The following ZNF507 variants were observed in gnomAD, a reference collection of about 807,000 sequenced individuals.
ZNF507 encodes zinc finger protein 507.
A neutral mutation model predicts 80.0 loss-of-function variants in ZNF507; 29 were observed. That is an observed-to-expected ratio of 0.36 (90% CI 0.27 to 0.49). The LOEUF (loss-of-function observed/expected upper bound fraction) is 0.49. ZNF507 is among the 20% of genes least tolerant of loss of function. The pLI, the probability that ZNF507 is intolerant of heterozygous loss-of-function variation, is 0.98. For missense variants in ZNF507, 1,081 were observed against 1,152.2 expected, an observed-to-expected ratio of 0.94 and a Z score of 0.90; for synonymous variants, 462 against 422.5, an observed-to-expected ratio of 1.09 and a Z score of -1.15.
intron 5 of ZNF507, among the ~76,000 whole-genome samples, chr19:32,374,535 G>A (rs1490561190): frequency 1.3e-5 from 2 of 148,532 alleles, no homozygotes; most frequent in East Asian, 4.0e-4. Flanking sequence ...GTGCAGTGGT[G>A]CAGTGGTGTT....
intron 5 of ZNF507, among the ~76,000 whole-genome samples, chr19:32,377,400 GC>G (rs1375140992): frequency 1.3e-5 from 2 of 152,012 alleles, no homozygotes; most frequent in African/African-American, 4.8e-5. Context: ...TCTCTATATG[GC>G]CTGGTTTTTC....
At chr19:32,374,114 TTAAC>T (rs775578727) in intron 5 of ZNF507, among the ~76,000 whole-genome samples, 5 of 151,760 alleles carry the variant, frequency 3.3e-5, no homozygotes, top group East Asian at 3.9e-4. Flanking sequence ...CTGATAATGT[TTAAC>T]TAAGCCATAG....
intron 5 of ZNF507, chr19:32,381,893 CAG>C (rs1325688164): frequency 2.6e-5 from 4 of 152,106 alleles, no homozygotes; most frequent in Admixed American, 2.6e-4. Context: ...TTGTTAAATT[CAG>C]ATTTTACCAA....
chr19:32,366,380 C>G (rs111567858), intron 5 of ZNF507, among the ~76,000 whole-genome samples: 1,959 of 152,284 alleles, frequency 0.013, 51 homozygotes, highest in African/African-American at 0.043. Flanking sequence ...CACCCCTCCC[C>G]TCTGTCTGGT....
intron 5 of ZNF507, among the ~76,000 whole-genome samples, chr19:32,361,771 CCT>C (rs1294249486): frequency 6.9e-6 from 1 of 145,464 alleles, no homozygotes; most frequent in Middle Eastern, 3.4e-3. Flanking sequence ...TCCCTCCCTC[CCT>C]CTCTCCCTCC....
intron 5 of ZNF507, among the ~76,000 whole-genome samples, chr19:32,377,887 G>T (rs1482691522): frequency 6.6e-6 from 1 of 152,126 alleles, no homozygotes; most frequent in Non-Finnish European, 1.5e-5. Context: ...TCAGGGGTGA[G>T]TTCTCCTGAG....
intron 4 of ZNF507, 108 bp downstream of exon 4, chr19:32,356,841 C>T: frequency 1.3e-6 from 1 of 796,248 alleles, no homozygotes; most frequent in Non-Finnish European, 2.2e-6. Context: ...TATTCTCCTC[C>T]ATTTTTGTAC....
chr19:32,357,411 C>T (rs1208217121), intron 4 of ZNF507: 1 of 152,344 alleles, frequency 6.6e-6, no homozygotes, highest in Non-Finnish European at 1.5e-5. Context: ...TAAATGTCTC[C>T]AGTGTGGCAC....
chr19:32,348,607 T>A (rs1009736645), intron 2 of ZNF507, among the ~76,000 whole-genome samples: 28 of 152,262 alleles, frequency 1.8e-4, no homozygotes, highest in African/African-American at 6.0e-4. Flanking sequence ...GGAATACTGT[T>A]GTCAAGGAAA....
rs1282082495 is a variant in ZNF507, at chr19:32,385,427, CTTAAG to C, written c.*2349_*2353del. 1 of 152,120 alleles carries C rather than the reference CTTAAG, an allele frequency of 6.6e-6. No homozygotes were observed. Among genetic ancestry groups the C allele is most frequent in the African/African-American group, 2.4e-5 (1 of 41,432 alleles). 9.4% of individuals were successfully genotyped at this position (152,120 alleles called of 1,614,324 possible). On this transcript the variant is annotated 3_prime_UTR_variant, in exon 7 of 7. Coordinates refer to ENST00000355898, the MANE Select transcript of ZNF507 (RefSeq NM_001136156.2). ...TTCCCATTATCATTTTGTGGCAAGCCTTAAGTTAACAATGTGTCTACCAAGAACAA... is the reference window on the plus strand; with the variant it reads ...TTCCCATTATCATTTTGTGGCAAGCCTTAACAATGTGTCTACCAAGAACAA...
chr19:32,370,336 G>A (rs978259983), intron 5 of ZNF507, among the ~76,000 whole-genome samples: 2 of 152,082 alleles, frequency 1.3e-5, no homozygotes, highest in African/African-American at 2.4e-5. Flanking sequence ...TTTCATGGCC[G>A]TACCAATCTA....
At chr19:32,364,647 A>G (rs1222620264) in intron 5 of ZNF507, among the ~76,000 whole-genome samples, 1 of 152,214 alleles carries the variant, frequency 6.6e-6, no homozygotes, top group Non-Finnish European at 1.5e-5. Context: ...CATCCAGGTC[A>G]CTGCAAATGC....
At chr19:32,361,822 T>C (rs1478839437) in intron 5 of ZNF507, among the ~76,000 whole-genome samples, 3 of 141,566 alleles carry the variant, frequency 2.1e-5, no homozygotes, top group African/African-American at 5.2e-5. Context: ...CCTTCCTTCC[T>C]TTCCTTTCTT....
Position 32,382,501 on chromosome 19 carries a change from CCTT to C in ZNF507, c.2399_2401del (p.Ser800del). 1.2e-6 allele frequency: 2 copies of C among 1,614,156 alleles called. No individual in the cohort carries two copies. Among genetic ancestry groups the C allele is most frequent in the East Asian group, 2.2e-5 (1 of 44,886 alleles). On this transcript the variant is annotated inframe_deletion, in exon 6 of 7. Coordinates refer to ENST00000355898, the MANE Select transcript of ZNF507 (RefSeq NM_001136156.2). ...GTGTGGGTATGTGTGTAGCCATCCT[CCTT>C]CTTTGAAGTCTCATATGTGGAAACA...
rs1967657027 is a variant in ZNF507 at position 32,383,995 on chromosome 19, G to T, written c.*912G>T. ...ATGAAAATTTACATTTGATCATCCG[G>T]CATTGGAAATAGTTTGAACTATTTC... is the stretch of plus-strand genomic sequence containing the variant. On this transcript the variant is annotated 3_prime_UTR_variant, in exon 7 of 7. Transcript: ENST00000355898. 6.6e-6 allele frequency: 1 copy of T among 152,192 alleles called. No individual in the cohort carries two copies. Among genetic ancestry groups the T allele is most frequent in the Non-Finnish European group, 1.5e-5 (1 of 68,046 alleles). 9.4% of individuals were successfully genotyped at this position (152,192 alleles called of 1,614,324 possible).
At position 32,387,072 on chromosome 19, in the gene ZNF507, T is replaced by C. The variant is rs1967699108; in HGVS notation, c.*3989T>C. 1 of 152,300 alleles carries C rather than the reference T, an allele frequency of 6.6e-6. No individual in the cohort carries two copies. The highest frequency in any genetic ancestry group is 6.5e-5 in the Admixed American group (1 of 15,290). 9.4% of individuals were successfully genotyped at this position (152,300 alleles called of 1,614,324 possible). A position where few individuals can be genotyped will look rare whatever the true frequency, so the allele number is the denominator to read the frequency against. On this transcript the variant is annotated 3_prime_UTR_variant, in exon 7 of 7. Transcript: ENST00000355898. ...TAGCTTTTTAAATCATTTTAAAAAT[T>C]AAGTCTAATTTTGAAGCTTTTTTCC...
intron 5 of ZNF507, 43 bp downstream of exon 5, chr19:32,360,661 AT>A: frequency 1.9e-6 from 2 of 1,072,758 alleles, no homozygotes; most frequent in South Asian, 2.1e-5. Context: ...GTATTAAAAT[AT>A]TTTATATTAA....
chr19:32,354,476 ACT>A lies in ZNF507; in HGVS notation c.1649_1650del (p.Ser550PhefsTer6). On this transcript the variant is annotated frameshift_variant, in exon 3 of 7. Coordinates refer to ENST00000355898, the MANE Select transcript of ZNF507 (RefSeq NM_001136156.2). LOFTEE classifies it high-confidence loss of function. ...TCAAAAATGATGTCGCCACTTAAAA[ACT>A]CTTCAGATGGATTAACTAGTCTTAA... is the stretch of plus-strand genomic sequence containing the variant. The A allele has an allele frequency of 6.2e-7, 1 of 1,613,408 alleles. No individual in the cohort carries two copies. The highest frequency in any genetic ancestry group is 8.5e-7 in the Non-Finnish European group (1 of 1,179,900).
In ZNF507 at chr19:32,345,665, CGGGGGAAAA is replaced by C. The variant is rs1967086665; in HGVS notation, c.-213_-205del. On this transcript the variant is annotated 5_prime_UTR_variant, in exon 1 of 7. Transcript: ENST00000355898. ...GAGCTCCGGATGAGGAGGGGGAAAC[CGGGGGAAAA>C]GAGGGAAAAGAGCCGGGAGAGAGGT... The C allele has an allele frequency of 6.5e-6, 1 of 152,698 alleles. No homozygotes were observed. Among genetic ancestry groups the C allele is most frequent in the Non-Finnish European group, 1.5e-5 (1 of 68,476 alleles). The allele number at this position is 152,698 out of a possible 1,614,324, so 9.5% of individuals were successfully genotyped here.
Sources: allele counts gnomAD v4.1 joint callset (sites outside exome capture counted in the v4.1 genomes callset), GRCh38; gene constraint gnomAD v4.1.1; transcripts MANE v1.5; gene names NCBI Gene and HGNC (gene_info 2026-07-23, HGNC 2026-07-21).